IQANK1: variants seen among roughly 807,000 people sequenced by gnomAD.
IQANK1 encodes IQ motif and ankyrin repeat containing 1.
Under a neutral mutation model 22.6 loss-of-function variants are expected in IQANK1, and 30 were observed. The observed-to-expected ratio is 1.33, with a 90% CI of 0.99 to 1.80. The LOEUF is 1.80. Among genes scored for constraint, IQANK1 ranks in the 40% most tolerant of loss-of-function variants. The pLI is 0.00. For synonymous variants in IQANK1, 122 were observed against 99.6 expected, an observed-to-expected ratio of 1.23 and a Z score of -1.34; for missense variants, 275 against 235.2, an observed-to-expected ratio of 1.17 and a Z score of -1.11.
At chr8:143,775,814 ACACACACAC>A (rs1237098026) in intron 7 of IQANK1, among the ~76,000 whole-genome samples, 79 of 150,662 alleles carry the variant, frequency 5.2e-4, no homozygotes, top group African/African-American at 1.9e-3. Flanking sequence ...ACACACACAC[ACACACACAC>A]CATTCCTAAA....
At position 143,739,626 on chromosome 8, in the gene IQANK1, G is replaced by C. The variant is rs571116230; in HGVS notation, c.86-233G>C. 59 of 419,584 alleles carry C rather than the reference G, an allele frequency of 1.4e-4. 1 individual carries two copies. In the East Asian group the frequency reaches 2.1e-3, roughly 15 times the overall value. The allele number at this position is 419,584 out of a possible 1,614,324, so 26.0% of individuals were successfully genotyped here. A position where few individuals can be genotyped will look rare whatever the true frequency, so the allele number is the denominator to read the frequency against. The stretch of plus-strand genomic sequence containing the variant: ...CACAAGAGCCCAGGTGCCTTCCTGC[G>C]GGCTGGCTCTCGCCTGTGCCTCCCT... On this transcript the variant is annotated intron_variant, in intron 2 of 13. Coordinates refer to ENST00000527139, the MANE Select transcript of IQANK1 (RefSeq NM_001381874.1).
In IQANK1 at chr8:143,790,632, CGT is replaced by C; in HGVS notation, c.*28_*29del. ...AGTGCTGGCCCCAGTCCCAATAAAA[CGT>C]GTGCCCCGGGGCGCGGTGCTGCATC... On this transcript the variant is annotated 3_prime_UTR_variant, in exon 14 of 14. Coordinates refer to ENST00000527139, the MANE Select transcript of IQANK1 (RefSeq NM_001381874.1). 1 of 398,676 alleles carries C rather than the reference CGT, an allele frequency of 2.5e-6. No individual in the cohort carries two copies. Among genetic ancestry groups the C allele is most frequent in the Non-Finnish European group, 4.4e-6 (1 of 226,068 alleles). 24.7% of individuals were successfully genotyped at this position (398,676 alleles called of 1,614,324 possible).
At chr8:143,750,141 G>A (rs1355205565) in intron 3 of IQANK1, among the ~76,000 whole-genome samples, 4 of 151,962 alleles carry the variant, frequency 2.6e-5, no homozygotes, top group Admixed American at 2.0e-4. Flanking sequence ...TGGGATTACA[G>A]GCATGCGCCA....
intron 7 of IQANK1, among the ~76,000 whole-genome samples, chr8:143,785,296 AC>A (rs1819866420): frequency 8.0e-6 from 1 of 124,966 alleles, no homozygotes; most frequent in Non-Finnish European, 1.6e-5. Flanking sequence ...TTCCTCTGTC[AC>A]CCAGGCTAGA....
In IQANK1 at chr8:143,735,385, T is replaced by G; in HGVS notation, c.-4-465T>G. The stretch of plus-strand genomic sequence containing the variant: ...CATAAGGTCTGAGGGTGTGGAGGGG[T>G]GAGTGCCTTGGGTGGGCTGGGGAGC... On this transcript the variant is annotated intron_variant, in intron 1 of 13. Coordinates refer to ENST00000527139, the MANE Select transcript of IQANK1 (RefSeq NM_001381874.1). The surrounding 1 kb of genome is among the most constrained non-coding windows in gnomAD (Gnocchi z 5.2). Among the ~76,000 whole-genome samples the G allele has an allele frequency of 6.6e-6, 1 of 151,078 alleles. No individual in the cohort carries two copies. The highest frequency in any genetic ancestry group is 1.9e-4 in the East Asian group (1 of 5,158).
At chr8:143,760,043 C>T (rs1554628767) in intron 3 of IQANK1, among the ~76,000 whole-genome samples, 1 of 152,208 alleles carries the variant, frequency 6.6e-6, no homozygotes, top group Non-Finnish European at 1.5e-5. Context: ...ACCACTTTGA[C>T]TGGTGGACCA....
chr8:143,789,897 G>A, intron 11 of IQANK1, 28 bp downstream of exon 11: 1 of 1,231,922 alleles, frequency 8.1e-7, no homozygotes, highest in Non-Finnish European at 1.0e-6. Flanking sequence ...CGCCGGCTGG[G>A]GGCTGGGACA....
At chr8:143,750,436 T>C (rs1554627903) in intron 3 of IQANK1, among the ~76,000 whole-genome samples, 2 of 152,222 alleles carry the variant, frequency 1.3e-5, no homozygotes, top group Admixed American at 6.5e-5. Flanking sequence ...CAATCTAAAG[T>C]GAATCTTTTG....
intron 3 of IQANK1, among the ~76,000 whole-genome samples, chr8:143,751,785 C>T (rs1489794292): frequency 6.6e-6 from 1 of 150,786 alleles, no homozygotes; most frequent in African/African-American, 2.4e-5. Context: ...AGTGTCCTTT[C>T]AACCTGCAGG....
chr8:143,775,661 C>T (rs947795530), intron 7 of IQANK1, among the ~76,000 whole-genome samples: 23 of 152,100 alleles, frequency 1.5e-4, no homozygotes, highest in African/African-American at 5.1e-4. Context: ...ACTTAGGAGG[C>T]TGAGAGAGGA....
chr8:143,757,762 C>T (rs1317250102), intron 3 of IQANK1, among the ~76,000 whole-genome samples: 1 of 152,168 alleles, frequency 6.6e-6, no homozygotes, highest in Non-Finnish European at 1.5e-5. Context: ...AATTCTCCCA[C>T]CTCAGCCTTT....
chr8:143,747,477 T>C (rs782624051), intron 3 of IQANK1, among the ~76,000 whole-genome samples: 1 of 152,196 alleles, frequency 6.6e-6, no homozygotes, highest in African/African-American at 2.4e-5. Flanking sequence ...TTTGAAATCT[T>C]ATGTATTAGT....
intron 7 of IQANK1, among the ~76,000 whole-genome samples, chr8:143,773,313 A>AC (rs200336712): frequency 0.22 from 30,728 of 136,902 alleles, 3,497 homozygotes; most frequent in East Asian, 0.47. Flanking sequence ...AAAAAAAAAA[A>AC]AAACAAAAAA....
intron 3 of IQANK1, chr8:143,759,265 CAT>C (rs1380802270): frequency 5.7e-6 from 1 of 175,500 alleles, no homozygotes; most frequent in Non-Finnish European, 1.2e-5. Flanking sequence ...CTCTCGCAAA[CAT>C]AGCCTGGTTC....
At chr8:143,757,395 G>C (rs1554628568) in intron 3 of IQANK1, among the ~76,000 whole-genome samples, 1 of 149,498 alleles carries the variant, frequency 6.7e-6, no homozygotes, top group African/African-American at 2.5e-5. Context: ...GGAGTGCAGT[G>C]GTGCGAGCTT....
At position 143,772,338 on chromosome 8, in the gene IQANK1, C is replaced by G; in HGVS notation, c.664-19C>G. On this transcript the variant is annotated intron_variant, in intron 6 of 13. Transcript: ENST00000527139. ...CCAGGGGCAAGGCCTGGATCTTGCT[C>G]GGGGGGCCCGTCTTGCAGGGCGCTT... is the stretch of plus-strand genomic sequence containing the variant. The G allele has an allele frequency of 5.0e-6, 2 of 398,888 alleles. No individual in the cohort carries two copies. Among genetic ancestry groups the G allele is most frequent in the Non-Finnish European group, 8.8e-6 (2 of 226,044 alleles). 24.7% of individuals were successfully genotyped at this position (398,888 alleles called of 1,614,324 possible).
chr8:143,782,446 T>C (rs1819812465), intron 7 of IQANK1, among the ~76,000 whole-genome samples: 1 of 102,766 alleles, frequency 9.7e-6, no homozygotes, highest in Non-Finnish European at 2.8e-5. Flanking sequence ...GGCTGTGGGC[T>C]TGTCAGTGCT....
chr8:143,770,491 C>T (rs1208881210), intron 3 of IQANK1, among the ~76,000 whole-genome samples: 2 of 152,252 alleles, frequency 1.3e-5, no homozygotes, highest in African/African-American at 2.4e-5. Context: ...CTGGCTGCTC[C>T]GGTCCGTGCC....
Position 143,771,996 on chromosome 8 carries a change from G to GGGGGT in IQANK1, c.471+40_472-43dup, listed in dbSNP as rs1554629833. The GGGGGT allele has an allele frequency of 6.8e-6, 1 of 147,938 alleles. No individual in the cohort carries two copies. The highest frequency in any genetic ancestry group is 2.5e-5 in the African/African-American group (1 of 39,646). The allele number at this position is 147,938 out of a possible 1,614,324, so 9.2% of individuals were successfully genotyped here. On this transcript the variant is annotated intron_variant, in intron 5 of 13. Transcript: ENST00000527139. The surrounding 1 kb of genome is among the most constrained non-coding windows in gnomAD (Gnocchi z 6.0). ...CGGGGGCGGGAGGAGGACGAGGGCG[G>GGGGGT]GGGGTGGGGTGGGAGTGGGAGGAGC...
Sources: allele counts gnomAD v4.1 joint callset (sites outside exome capture counted in the v4.1 genomes callset), GRCh38; gene constraint gnomAD v4.1.1; non-coding constraint Gnocchi (gnomAD v3.1); transcripts MANE v1.5; gene names NCBI Gene and HGNC (gene_info 2026-07-23, HGNC 2026-07-21).